IL1RAPL1: variants seen among roughly 807,000 people sequenced by gnomAD.
The protein encoded by IL1RAPL1 is interleukin-1 receptor accessory protein-like 1.
IL1RAPL1 carries 3 observed loss-of-function variants against 48.4 expected under a neutral mutation model. That is an observed-to-expected ratio of 0.06 (90% CI 0.03 to 0.16). IL1RAPL1 has a LOEUF of 0.16. Ranked by LOEUF, IL1RAPL1 falls within the 10% of genes least tolerant of loss-of-function variation. IL1RAPL1 has a pLI of 1.00. For missense variants in IL1RAPL1, 349 were observed against 530.6 expected (o/e 0.66, Z 3.36); for synonymous variants, 185 against 187.7 (o/e 0.99, Z 0.12).
At chrX:29,874,126 T>A (rs1931856766) in intron 6 of IL1RAPL1, among the ~76,000 whole-genome samples, 1 of 111,537 alleles carries the variant, frequency 9.0e-6, no homozygotes, top group African/African-American at 3.3e-5. Context: ...TTTGGTGGAT[T>A]TTGGGAATTC....
At chrX:29,310,669 A>C (rs2147618720) in intron 3 of IL1RAPL1, among the ~76,000 whole-genome samples, 1 of 112,032 alleles carries the variant, frequency 8.9e-6, no homozygotes, top group South Asian at 3.7e-4. Context: ...GTAACAAAAT[A>C]ACAGGAAAAC....
chrX:28,601,831 A>G (rs1934029839), intron 1 of IL1RAPL1, among the ~76,000 whole-genome samples: 1 of 110,936 alleles, frequency 9.0e-6, no homozygotes, highest in African/African-American at 3.3e-5. Context: ...TTGGCCAGGT[A>G]TGGTGGTTCA....
chrX:28,707,015 C>T (rs762735719), intron 1 of IL1RAPL1, among the ~76,000 whole-genome samples: 1 of 112,329 alleles, frequency 8.9e-6, no homozygotes, highest in South Asian at 3.7e-4. Context: ...TCAATGTATA[C>T]ATTAGTTAGC....
chrX:29,463,919 CAGTT>C (rs1312609800), intron 5 of IL1RAPL1, among the ~76,000 whole-genome samples: 3 of 111,384 alleles, frequency 2.7e-5, no homozygotes, highest in African/African-American at 9.8e-5. Context: ...TACCGACCAA[CAGTT>C]AGCCTCCACT....
chrX:29,006,083 A>C (rs1925970492), intron 2 of IL1RAPL1, among the ~76,000 whole-genome samples: 1 of 110,999 alleles, frequency 9.0e-6, no homozygotes, highest in African/African-American at 3.3e-5. Flanking sequence ...TGGGAGGGGG[A>C]TCTGTAAAGA....
intron 2 of IL1RAPL1, among the ~76,000 whole-genome samples, chrX:28,935,620 C>G (rs1221101496): frequency 1.8e-5 from 2 of 111,575 alleles, no homozygotes; most frequent in African/African-American, 6.5e-5. Flanking sequence ...AGCCATGCTA[C>G]TGTTACAGGA....
intron 2 of IL1RAPL1, among the ~76,000 whole-genome samples, chrX:29,112,801 T>G (rs1195026579): frequency 3.9e-5 from 4 of 101,882 alleles, no homozygotes; most frequent in South Asian, 4.9e-4. Context: ...TGGTTTTTTT[T>G]TTTTTTTTTT....
intron 3 of IL1RAPL1, among the ~76,000 whole-genome samples, chrX:29,312,598 T>C (rs1366644046): frequency 8.9e-6 from 1 of 111,928 alleles, no homozygotes; most frequent in African/African-American, 3.3e-5. Flanking sequence ...TTTTTACAGA[T>C]TGATTTGAGA....
intron 2 of IL1RAPL1, among the ~76,000 whole-genome samples, chrX:29,194,201 C>CAT (rs1930401735): frequency 8.9e-6 from 1 of 112,146 alleles, no homozygotes; most frequent in Non-Finnish European, 1.9e-5. Flanking sequence ...ATAAATTAGG[C>CAT]AAAGATTATT....
At chrX:28,728,769 T>C (rs1359897837) in intron 1 of IL1RAPL1, among the ~76,000 whole-genome samples, 1 of 111,657 alleles carries the variant, frequency 9.0e-6, no homozygotes, top group Non-Finnish European at 1.9e-5. Context: ...TTATAATGAA[T>C]ATAAACTCAT....
At chrX:28,938,503 C>A (rs1374403647) in intron 2 of IL1RAPL1, among the ~76,000 whole-genome samples, 2 of 111,196 alleles carry the variant, frequency 1.8e-5, no homozygotes, top group African/African-American at 6.5e-5. Flanking sequence ...CCTCCTTATA[C>A]CATATACAAA....
intron 2 of IL1RAPL1, among the ~76,000 whole-genome samples, chrX:28,811,192 C>A (rs1476481450): frequency 2.7e-5 from 3 of 109,980 alleles, no homozygotes; most frequent in Non-Finnish European, 5.7e-5. Flanking sequence ...ATCTGATAAC[C>A]CTCTCCCAGT....
At chrX:29,038,144 A>T (rs1367777874) in intron 2 of IL1RAPL1, among the ~76,000 whole-genome samples, 1 of 111,952 alleles carries the variant, frequency 8.9e-6, no homozygotes, top group Non-Finnish European at 1.9e-5. Context: ...TTCATGGCGC[A>T]TCAAGTACAC....
intron 2 of IL1RAPL1, among the ~76,000 whole-genome samples, chrX:28,965,006 A>G (rs1418643323): frequency 9.0e-6 from 1 of 111,419 alleles, no homozygotes; most frequent in Non-Finnish European, 1.9e-5. Flanking sequence ...CCACTTGTGT[A>G]GAATTGTAAA....
At chrX:28,594,510 C>T (rs1423890195) in intron 1 of IL1RAPL1, among the ~76,000 whole-genome samples, 4 of 111,356 alleles carry the variant, frequency 3.6e-5, no homozygotes, top group African/African-American at 1.3e-4. Flanking sequence ...GTAAGGGATG[C>T]CCCATTATGT....
intron 6 of IL1RAPL1, among the ~76,000 whole-genome samples, chrX:29,724,225 A>G (rs1927718385): frequency 9.0e-6 from 1 of 111,671 alleles, no homozygotes; most frequent in Non-Finnish European, 1.9e-5. Flanking sequence ...GTCTGCTCCC[A>G]GATCCTCCTC....
At chrX:29,792,803 A>C (rs375539914) in intron 6 of IL1RAPL1, among the ~76,000 whole-genome samples, 4 of 111,356 alleles carry the variant, frequency 3.6e-5, no homozygotes, top group South Asian at 7.6e-4. Context: ...GGTGATCTCT[A>C]AACAATTCTA....
intron 2 of IL1RAPL1, among the ~76,000 whole-genome samples, chrX:29,016,349 G>T (rs1359691318): frequency 9.0e-6 from 1 of 111,482 alleles, no homozygotes; most frequent in African/African-American, 3.3e-5. Flanking sequence ...AATTTAATAT[G>T]TGAGGCATTA....
At chrX:28,593,850 C>T (rs1015998525) in intron 1 of IL1RAPL1, among the ~76,000 whole-genome samples, 9 of 110,991 alleles carry the variant, frequency 8.1e-5, no homozygotes, top group African/African-American at 2.9e-4. Context: ...GTATAGTGAT[C>T]TTCATCATTT....
Sources: allele counts gnomAD v4.1 joint callset (sites outside exome capture counted in the v4.1 genomes callset), GRCh38; gene constraint gnomAD v4.1.1; transcripts MANE v1.5; gene names NCBI Gene and HGNC (gene_info 2026-07-23, HGNC 2026-07-21).